The following PARD3B variants were observed in gnomAD, a reference collection of about 807,000 sequenced individuals.
PARD3B encodes par-3 family cell polarity regulator beta.
Under a neutral mutation model 130.2 loss-of-function variants are expected in PARD3B, and 103 were observed. That is an observed-to-expected ratio of 0.79 (90% confidence interval 0.67 to 0.93). The LOEUF (loss-of-function observed/expected upper bound fraction) is 0.93, where lower values mean the gene tolerates loss of function less well. Among genes scored for constraint, PARD3B ranks in the 40% least tolerant of loss-of-function variants. The pLI is 0.00. For synonymous variants in PARD3B, 583 were observed against 553.2 expected (o/e 1.05, Z -0.76); for missense variants, 1,609 against 1,499.2 (o/e 1.07, Z -1.21).
intron 2 of PARD3B, among the ~76,000 whole-genome samples, chr2:204,807,351 T>C (rs2042804210): frequency 6.6e-6 from 1 of 152,154 alleles, no homozygotes; most frequent in South Asian, 2.1e-4. Flanking sequence ...TAACAAATGC[T>C]GTTGAGGATG....
At position 205,590,755 on chromosome 2, in the gene PARD3B, G is replaced by A. The variant is rs533242923; in HGVS notation, c.3261-24701G>A. Among the ~76,000 whole-genome samples the A allele has an allele frequency of 1.3e-5, 2 of 152,278 alleles. No homozygotes were observed. The highest frequency in any genetic ancestry group is 3.9e-4 in the East Asian group (2 of 5,164). ...ATAGGATCAAGGATGAAGGAGAAAA[G>A]TAGAAGCTGTTGCCACATATTCACA... On this transcript the variant is annotated intron_variant, in intron 22 of 22. Coordinates refer to ENST00000406610, the MANE Select transcript of PARD3B (RefSeq NM_001302769.2). The surrounding 1 kb of genome is among the most constrained non-coding windows in gnomAD (Gnocchi z 4.1).
intron 18 of PARD3B, among the ~76,000 whole-genome samples, chr2:205,400,393 C>T (rs2046206236): frequency 6.6e-6 from 1 of 152,094 alleles, no homozygotes; most frequent in African/African-American, 2.4e-5. Context: ...ATAATCCTAG[C>T]ACTTTGGGAA....
At chr2:205,270,337 G>T (rs1001919661) in intron 16 of PARD3B, among the ~76,000 whole-genome samples, 1 of 152,090 alleles carries the variant, frequency 6.6e-6, no homozygotes, top group Non-Finnish European at 1.5e-5. Flanking sequence ...GGGAGGCCGA[G>T]GCAGGCGGAT....
intron 3 of PARD3B, among the ~76,000 whole-genome samples, chr2:205,008,311 A>G (rs1216178853): frequency 1.3e-5 from 2 of 151,620 alleles, no homozygotes; most frequent in East Asian, 1.9e-4. Flanking sequence ...TTTTTAATTG[A>G]AAGGAGTAGA....
chr2:204,643,785 A>G (rs1449607769), intron 1 of PARD3B, among the ~76,000 whole-genome samples: 1 of 152,146 alleles, frequency 6.6e-6, no homozygotes, highest in Non-Finnish European at 1.5e-5. Flanking sequence ...CAGATTAAGA[A>G]CTGCAAATTC....
chr2:204,591,699 T>C (rs1342153988), intron 1 of PARD3B, among the ~76,000 whole-genome samples: 1 of 152,214 alleles, frequency 6.6e-6, no homozygotes, highest in East Asian at 1.9e-4. Flanking sequence ...GACAGACAAG[T>C]TATAAAAATA....
Position 205,125,649 on chromosome 2 carries a change from T to C in PARD3B, c.1346T>C (p.Leu449Pro). 6.2e-7 allele frequency: 1 copy of C among 1,614,084 alleles called. No individual in the cohort carries two copies. Among genetic ancestry groups the C allele is most frequent in the Non-Finnish European group, 8.5e-7 (1 of 1,179,986 alleles). The part of the protein sequence containing the change: ...RDVTGRTQEE[L>P]VAMLRSTKQG... Reference sequence around the variant, plus strand: ...GTCACCGGACGAACCCAGGAAGAGCTTGTGGCCATGCTCAGGAGCACCAAG... The same window carrying C: ...GTCACCGGACGAACCCAGGAAGAGCCTGTGGCCATGCTCAGGAGCACCAAG... The change falls in exon 10 of 23, where the codon CTT becomes CCT. Residue 449 changes from leucine to proline, a missense_variant. By Grantham distance (98) the Leu-to-Pro change is moderately conservative. Coordinates refer to ENST00000406610, the MANE Select transcript of PARD3B (RefSeq NM_001302769.2). The surrounding 1 kb of genome is among the most constrained non-coding windows in gnomAD (Gnocchi z 4.0).
intron 1 of PARD3B, among the ~76,000 whole-genome samples, chr2:204,616,847 GA>G (rs2034130230): frequency 6.6e-6 from 1 of 152,188 alleles, no homozygotes; most frequent in Non-Finnish European, 1.5e-5. Context: ...GGGCTGAACT[GA>G]AAGTGGCAGG....
rs148406158 is a variant in PARD3B, at chr2:204,669,026, C to T, written c.121-17155C>T. ...CAAGTTAATGAATCCTCCCTTGGAG[C>T]CTCCAGAAAGGAATTCAGGTCCACT... On this transcript the variant is annotated intron_variant, in intron 1 of 22. Coordinates refer to ENST00000406610, the MANE Select transcript of PARD3B (RefSeq NM_001302769.2). This position sits in a 1 kb window ranked among gnomAD's most constrained non-coding sequence, Gnocchi z 4.3. Among the ~76,000 whole-genome samples, 2 of 152,262 alleles carry T rather than the reference C, an allele frequency of 1.3e-5. No individual in the cohort carries two copies. The highest frequency in any genetic ancestry group is 4.8e-5 in the African/African-American group (2 of 41,562).
intron 1 of PARD3B, among the ~76,000 whole-genome samples, chr2:204,584,579 G>A (rs1260077776): frequency 6.6e-6 from 1 of 152,010 alleles, no homozygotes; most frequent in African/African-American, 2.4e-5. Context: ...TGCACAAAAG[G>A]GCCATCTGGG....
chr2:204,904,789 A>G (rs769243505), intron 2 of PARD3B, among the ~76,000 whole-genome samples: 10 of 152,096 alleles, frequency 6.6e-5, no homozygotes, highest in Non-Finnish European at 2.9e-5. Flanking sequence ...GGACATCACT[A>G]CATGTCGTGA....
At chr2:205,106,547 AC>A (rs1703236725) in intron 5 of PARD3B, among the ~76,000 whole-genome samples, 2 of 150,342 alleles carry the variant, frequency 1.3e-5, no homozygotes, top group Admixed American at 6.7e-5. Flanking sequence ...GATTATCAAA[AC>A]GGGCTTTTCA....
At chr2:205,097,692 C>A (rs184396124) in intron 4 of PARD3B, among the ~76,000 whole-genome samples, 150 of 152,256 alleles carry the variant, frequency 9.9e-4, no homozygotes, top group African/African-American at 3.4e-3. Flanking sequence ...TTCTTCTGAT[C>A]CACGTTAAAG....
At chr2:204,829,855 T>C (rs13431293) in intron 2 of PARD3B, among the ~76,000 whole-genome samples, 44,808 of 151,318 alleles carry the variant, frequency 0.3, 9,852 homozygotes, top group African/African-American at 0.62. Flanking sequence ...AAAAATTAGC[T>C]GGGCGTGGTA....
chr2:205,522,948 C>T (rs1193358024), intron 21 of PARD3B, among the ~76,000 whole-genome samples: 1 of 151,678 alleles, frequency 6.6e-6, no homozygotes, highest in East Asian at 1.9e-4. Flanking sequence ...CACTTTTTAT[C>T]TGTTAAACAC....
At chr2:204,961,735 A>ACTGGTGCC (rs1690766340) in intron 2 of PARD3B, among the ~76,000 whole-genome samples, 1 of 152,164 alleles carries the variant, frequency 6.6e-6, no homozygotes, top group Admixed American at 6.5e-5. Flanking sequence ...ATACCAAGAG[A>ACTGGTGCC]CTGGTGCCCT....
At chr2:205,026,366 A>G (rs1404246819) in intron 3 of PARD3B, among the ~76,000 whole-genome samples, 1 of 152,190 alleles carries the variant, frequency 6.6e-6, no homozygotes, top group East Asian at 1.9e-4. Flanking sequence ...TGATATAGAC[A>G]GTCTTTTTTC....
chr2:204,734,864 C>G (rs1007620593), intron 2 of PARD3B, among the ~76,000 whole-genome samples: 2 of 151,912 alleles, frequency 1.3e-5, no homozygotes, highest in African/African-American at 4.8e-5. Flanking sequence ...AACTTTACCA[C>G]TGAAATGGGT....
At chr2:205,471,349 T>TTTTC (rs1264517527) in intron 20 of PARD3B, among the ~76,000 whole-genome samples, 1 of 144,632 alleles carries the variant, frequency 6.9e-6, no homozygotes, top group African/African-American at 2.7e-5. Context: ...GCAAACTCAC[T>TTTTC]TTTCTTTTTT....
Sources: allele counts gnomAD v4.1 joint callset (sites outside exome capture counted in the v4.1 genomes callset), GRCh38; gene constraint gnomAD v4.1.1; non-coding constraint Gnocchi (gnomAD v3.1); transcripts MANE v1.5; gene names NCBI Gene and HGNC (gene_info 2026-07-23, HGNC 2026-07-21).